The following INSL6 variants were observed in gnomAD, a reference collection of about 807,000 sequenced individuals.
The protein encoded by INSL6 is insulin like 6.
A neutral mutation model predicts 9.4 loss-of-function variants in INSL6; 16 were observed. The ratio of observed to expected loss-of-function variants is 1.70; its 90% CI spans 1.15 to 2.59. The LOEUF (loss-of-function observed/expected upper bound fraction) is 2.59. Ranked by LOEUF, INSL6 falls within the 30% of genes most tolerant of loss-of-function variation. The pLI is 0.00. For missense variants in INSL6, 391 were observed against 257.3 expected, an observed-to-expected ratio of 1.52 and a Z score of -3.56; for synonymous variants, 154 against 96.9, an observed-to-expected ratio of 1.59 and a Z score of -3.46.
chr9:5,015,152 A>G, the INSL6 span, among the ~76,000 whole-genome samples: 3 of 152,206 alleles, frequency 2.0e-5, no homozygotes, highest in East Asian at 1.9e-4. Context: ...TGTAGTATAA[A>G]TGCACAAAAG....
the INSL6 span, chr9:5,110,989 C>G: frequency 1.5e-6 from 1 of 655,634 alleles, no homozygotes; most frequent in Non-Finnish European, 2.7e-6. Flanking sequence ...CATGATGTTC[C>G]CGCTGCCCGT....
chr9:5,120,713 C>G (rs1308191381), downstream of INSL6, among the ~76,000 whole-genome samples: 1 of 152,112 alleles, frequency 6.6e-6, no homozygotes, highest in Non-Finnish European at 1.5e-5. Flanking sequence ...GTGATGTAAA[C>G]TGTAACAATG....
At chr9:5,125,332 C>A (rs934415997) in intron 3 of INSL6, among the ~76,000 whole-genome samples, 1 of 151,092 alleles carries the variant, frequency 6.6e-6, no homozygotes, top group African/African-American at 2.4e-5. Flanking sequence ...AGTATTACAG[C>A]ATGGGTAATT....
the INSL6 span, among the ~76,000 whole-genome samples, chr9:5,006,183 G>A: frequency 6.6e-6 from 1 of 152,120 alleles, no homozygotes; most frequent in East Asian, 1.9e-4. Context: ...GCAGTGGTTT[G>A]TAGTTCTCCT....
At chr9:5,032,795 A>G in the INSL6 span, among the ~76,000 whole-genome samples, 2 of 152,230 alleles carry the variant, frequency 1.3e-5, no homozygotes, top group Non-Finnish European at 2.9e-5. Flanking sequence ...AAAGATGGGG[A>G]AAAAACAGAG....
At chr9:5,004,445 G>A in the INSL6 span, among the ~76,000 whole-genome samples, 1 of 152,116 alleles carries the variant, frequency 6.6e-6, no homozygotes, top group African/African-American at 2.4e-5. Flanking sequence ...GTTCATCCAT[G>A]TTGTTGTAAA....
chr9:5,103,318 C>T, the INSL6 span, among the ~76,000 whole-genome samples: 2 of 110,960 alleles, frequency 1.8e-5, no homozygotes, highest in Non-Finnish European at 3.6e-5. Flanking sequence ...TCAAAAGAGA[C>T]AAAAAAGGCC....
At chr9:5,132,656 G>A (rs894170030) in intron 3 of INSL6, 1 of 152,002 alleles carries the variant, frequency 6.6e-6, no homozygotes, top group Non-Finnish European at 1.5e-5. Flanking sequence ...ACTTCAAGTT[G>A]CATCAGATAA....
rs1250547681 is a variant in INSL6 at position 5,126,271 on chromosome 9, T to C, written c.*11-1760A>G. 11 of 1,214,718 alleles carry C rather than the reference T, an allele frequency of 9.1e-6. 1 individual carries two copies. The highest frequency in any genetic ancestry group is 7.3e-5 in the East Asian group (3 of 41,180). The allele number at this position is 1,214,718 out of a possible 1,614,324, so 75.2% of individuals were successfully genotyped here. On this transcript the variant is annotated intron_variant, in intron 3 of 3. Coordinates refer to the INSL6 transcript ENST00000649639. ...ATTTTTTCCCATTGACTGGAGGAAA[T>C]TGAGAAAGAATTTTGCTACAAATTA...
chr9:5,040,496 A>G, the INSL6 span, among the ~76,000 whole-genome samples: 1 of 152,262 alleles, frequency 6.6e-6, no homozygotes. Flanking sequence ...AAAGCACACT[A>G]TCAAAAATGC....
At chr9:5,048,698 T>G in the INSL6 span, among the ~76,000 whole-genome samples, 1 of 152,232 alleles carries the variant, frequency 6.6e-6, no homozygotes, top group Non-Finnish European at 1.5e-5. Flanking sequence ...TGAAAATATC[T>G]TCTATATTTT....
At chr9:5,103,430 A>G in the INSL6 span, among the ~76,000 whole-genome samples, 4 of 152,034 alleles carry the variant, frequency 2.6e-5, no homozygotes, top group African/African-American at 9.7e-5. Context: ...GCAAGTCCTT[A>G]GAGACCTATA....
chr9:5,069,809 A>G, the INSL6 span: 8 of 506,506 alleles, frequency 1.6e-5, no homozygotes, highest in East Asian at 3.5e-5. Context: ...AAAAAGAACA[A>G]TTAGGAGTTA....
chr9:5,001,733 G>C, the INSL6 span, among the ~76,000 whole-genome samples: 1 of 151,798 alleles, frequency 6.6e-6, no homozygotes, highest in Admixed American at 6.6e-5. Context: ...TTCTGTAAGA[G>C]TTTATACAGA....
chr9:5,038,231 A>T, the INSL6 span, among the ~76,000 whole-genome samples: 1 of 152,202 alleles, frequency 6.6e-6, no homozygotes, highest in Non-Finnish European at 1.5e-5. Context: ...GACACAAGTT[A>T]TAGGAACTGC....
intron 2 of INSL6, among the ~76,000 whole-genome samples, chr9:5,146,043 C>T (rs1037905435): frequency 2.0e-5 from 3 of 151,966 alleles, no homozygotes; most frequent in South Asian, 2.1e-4. Flanking sequence ...TTTGAGTGTT[C>T]GCATTCTTGT....
the INSL6 span, chr9:5,099,507 T>A: frequency 6.6e-6 from 1 of 152,208 alleles, no homozygotes. Context: ...ATTTATATTA[T>A]CCCTACACCA....
chr9:5,136,152 C>G (rs1824383679), intron 2 of INSL6, among the ~76,000 whole-genome samples: 2 of 152,126 alleles, frequency 1.3e-5, no homozygotes. Flanking sequence ...AAAAAAAAGT[C>G]CAGGACCAGA....
chr9:5,023,266 T>G, the INSL6 span, among the ~76,000 whole-genome samples: 1 of 152,242 alleles, frequency 6.6e-6, no homozygotes, highest in African/African-American at 2.4e-5. Flanking sequence ...TATTTGTCTT[T>G]CAGTTCCTGG....
Sources: gnomAD v4.1 joint callset for allele counts (sites outside exome capture counted in the v4.1 genomes callset) on GRCh38, gnomAD v4.1.1 for gene constraint, MANE v1.5 for transcripts, NCBI Gene and HGNC (gene_info 2026-07-23, HGNC 2026-07-21) for gene names.